Variants in GALNT7 observed in about 807,000 individuals in gnomAD.
GALNT7 encodes the protein N-acetylgalactosaminyltransferase 7.
In GALNT7, 60 loss-of-function variants were observed where a neutral mutation model predicts 82.1. The observed-to-expected ratio is 0.73, with a 90% confidence interval of 0.59 to 0.91. GALNT7 has a LOEUF of 0.91. Among genes scored for constraint, GALNT7 ranks in the 40% least tolerant of loss-of-function variants. The pLI, the probability that GALNT7 is intolerant of heterozygous loss-of-function variation, is 0.00. For missense variants in GALNT7, 660 were observed against 804.2 expected (o/e 0.82, Z 2.17); for synonymous variants, 243 against 275.1 (o/e 0.88, Z 1.15).
At chr4:173,258,688 G>A (rs1735133313) in intron 2 of GALNT7, among the ~76,000 whole-genome samples, 2 of 152,172 alleles carry the variant, frequency 1.3e-5, no homozygotes, top group Non-Finnish European at 2.9e-5. Flanking sequence ...GATGATGAAA[G>A]TGAGGCTCAG....
rs369842354 is a variant in GALNT7, at chr4:173,298,128, G to A, written c.979G>A (p.Val327Met). 5.6e-6 allele frequency: 9 copies of A among 1,613,610 alleles called. No homozygotes were observed. The East Asian group carries it at 6.7e-5, about 12-fold the overall frequency. Residue 327 changes from valine (V) to methionine (M), a missense_variant, in exon 6 of 12, where the codon GTG (valine) becomes ATG (methionine). By Grantham distance (21) the Val-to-Met change is conservative. Around this residue, in one of 2 missense-constraint regions of GALNT7, gnomAD observed 527 missense variants for 683.5 expected, o/e 0.77. Coordinates refer to ENST00000265000, the MANE Select transcript of GALNT7 (RefSeq NM_017423.3). Reference sequence around the variant, plus strand: ...AACACAATACAGAACCATTTGCACTGTGCCGCTTATAGATGTCATAAATGG... The same window carrying A: ...AACACAATACAGAACCATTTGCACTATGCCGCTTATAGATGTCATAAATGG... ...PISKDRTICT[V>M]PLIDVINGNT...
At chr4:173,264,812 A>G (rs777625019) in intron 2 of GALNT7, among the ~76,000 whole-genome samples, 11 of 152,238 alleles carry the variant, frequency 7.2e-5, no homozygotes, top group Non-Finnish European at 2.9e-5. Context: ...TGCAGCTGTT[A>G]TCACTCGAGC....
chr4:173,306,756 T>C (rs897866635), intron 8 of GALNT7, among the ~76,000 whole-genome samples: 2 of 152,226 alleles, frequency 1.3e-5, no homozygotes, highest in Non-Finnish European at 2.9e-5. Flanking sequence ...TGATTGAAGG[T>C]AACTGAGCTT....
In GALNT7 at chr4:173,267,443, A is replaced by G. The variant is rs139751526; in HGVS notation, c.587+19003A>G. 9.1e-3 allele frequency among the ~76,000 whole-genome samples: 1,389 copies of G among 152,320 alleles called. 17 individuals are homozygous for G. The highest frequency in any genetic ancestry group is 0.061 in the Middle Eastern group (18 of 294). ...TGTACTTGAGGGTTTGTGGACACCC[A>G]TAGGCAGATTACCAGCCAGTGGCTT... On this transcript the variant is annotated intron_variant, in intron 2 of 11. Transcript: ENST00000265000.
At chr4:173,222,132 T>C (rs148576170) in intron 1 of GALNT7, among the ~76,000 whole-genome samples, 1 of 152,320 alleles carries the variant, frequency 6.6e-6, no homozygotes, top group East Asian at 1.9e-4. Flanking sequence ...TATCAGCGCG[T>C]GCTTGGCAGA....
intron 1 of GALNT7, among the ~76,000 whole-genome samples, chr4:173,222,930 C>T (rs1733690081): frequency 6.6e-6 from 1 of 152,042 alleles, no homozygotes; most frequent in Admixed American, 6.5e-5. Context: ...TAAGGTTAGA[C>T]TGCTAAGGTT....
rs375736137 is a variant in GALNT7 at position 173,298,170 on chromosome 4, A to G, written c.1021A>G (p.Ile341Val). The change falls in exon 6 of 12, where the codon ATA (isoleucine) becomes GTA (valine). Residue 341 changes from isoleucine (I) to valine (V), a missense_variant. By Grantham distance (29) the Ile-to-Val change is conservative. This residue lies in a region of GALNT7 where 527 missense variants were observed against 683.5 expected (regional missense o/e 0.77). Coordinates refer to ENST00000265000, the MANE Select transcript of GALNT7 (RefSeq NM_017423.3). ...DVINGNTYEIIPQGGGDEDGY... is the reference protein window; with the variant it reads ...DVINGNTYEIVPQGGGDEDGY... ...CATAAATGGCAACACATATGAAATT[A>G]TACCCCAAGGGGGTGGTGATGAAGA... 3 of 1,613,996 alleles carry G rather than the reference A, an allele frequency of 1.9e-6. No homozygotes were observed. Among genetic ancestry groups the G allele is most frequent in the Non-Finnish European group, 1.7e-6 (2 of 1,179,856 alleles).
At chr4:173,273,886 G>A (rs1735812656) in intron 2 of GALNT7, among the ~76,000 whole-genome samples, 1 of 152,192 alleles carries the variant, frequency 6.6e-6, no homozygotes, top group Non-Finnish European at 1.5e-5. Flanking sequence ...CAAAAATGCA[G>A]ACCTTTATTT....
chr4:173,219,040 C>A (rs1427225922), intron 1 of GALNT7, among the ~76,000 whole-genome samples: 1 of 151,546 alleles, frequency 6.6e-6, no homozygotes, highest in Non-Finnish European at 1.5e-5. Context: ...TGAATAAGTT[C>A]TTTAGTGGTG....
Position 173,292,388 on chromosome 4 carries a change from ATC to A in GALNT7, c.754+116_754+117del, listed in dbSNP as rs1359883639. On this transcript the variant is annotated intron_variant, in intron 3 of 11. Coordinates refer to ENST00000265000, the MANE Select transcript of GALNT7 (RefSeq NM_017423.3). This position sits in a 1 kb window ranked among gnomAD's most constrained non-coding sequence, Gnocchi z 4.8. ...AAAATTAATAGCATCTATTGATAGCATCTGTTATCAACAAGTTGACACTGTGC... is the reference window on the plus strand; with the variant it reads ...AAAATTAATAGCATCTATTGATAGCATGTTATCAACAAGTTGACACTGTGC... 6.3e-6 allele frequency: 4 copies of A among 633,588 alleles called. No individual in the cohort carries two copies. Among genetic ancestry groups the A allele is most frequent in the African/African-American group, 3.7e-5 (2 of 53,834 alleles). 39.2% of individuals were successfully genotyped at this position (633,588 alleles called of 1,614,324 possible).
intron 1 of GALNT7, among the ~76,000 whole-genome samples, chr4:173,228,330 T>C (rs1036899813): frequency 5.2e-5 from 6 of 115,650 alleles, no homozygotes; most frequent in African/African-American, 1.3e-4. Context: ...TTTTGCATAT[T>C]TGAGGTGATG....
chr4:173,203,127 G>T (rs974261288), intron 1 of GALNT7, among the ~76,000 whole-genome samples: 1 of 150,716 alleles, frequency 6.6e-6, no homozygotes, highest in South Asian at 2.1e-4. Context: ...ACGGAGTCTC[G>T]CTCTGTCACC....
intron 2 of GALNT7, among the ~76,000 whole-genome samples, chr4:173,286,030 C>A (rs1251460644): frequency 2.6e-5 from 4 of 152,046 alleles, no homozygotes; most frequent in African/African-American, 4.8e-5. Context: ...ACAACAACAA[C>A]AAAAAACCTT....
intron 2 of GALNT7, among the ~76,000 whole-genome samples, chr4:173,253,509 T>C (rs1413378723): frequency 6.6e-6 from 1 of 151,892 alleles, no homozygotes; most frequent in East Asian, 1.9e-4. Flanking sequence ...GATTAGGGGG[T>C]GGAGGCCTGT....
chr4:173,194,641 AG>A (rs1407320071), intron 1 of GALNT7, among the ~76,000 whole-genome samples: 9 of 152,144 alleles, frequency 5.9e-5, no homozygotes, highest in Admixed American at 5.9e-4. Flanking sequence ...TTTATTTATT[AG>A]TTTTTTTTAT....
intron 1 of GALNT7, among the ~76,000 whole-genome samples, chr4:173,185,175 T>C (rs925225982): frequency 6.6e-6 from 1 of 152,226 alleles, no homozygotes; most frequent in African/African-American, 2.4e-5. Flanking sequence ...GCAAAATGCA[T>C]GAGAAATTTG....
chr4:173,186,147 T>A (rs1041455186), intron 1 of GALNT7, among the ~76,000 whole-genome samples: 11 of 151,920 alleles, frequency 7.2e-5, no homozygotes, highest in East Asian at 1.9e-4. Flanking sequence ...GGGTCTATTT[T>A]AAAAAAAAAT....
chr4:173,182,654 C>T (rs999316356), intron 1 of GALNT7, among the ~76,000 whole-genome samples: 7 of 147,788 alleles, frequency 4.7e-5, no homozygotes, highest in Non-Finnish European at 8.8e-5. Flanking sequence ...AAGCAGGTTA[C>T]TCATAATACA....
chr4:173,279,708 C>T (rs1043187378), intron 2 of GALNT7, among the ~76,000 whole-genome samples: 3 of 152,130 alleles, frequency 2.0e-5, no homozygotes, highest in East Asian at 1.9e-4. Context: ...CATGGTGGCT[C>T]ACGACTGTAA....
Sources: allele counts gnomAD v4.1 joint callset (sites outside exome capture counted in the v4.1 genomes callset), GRCh38; gene constraint gnomAD v4.1.1; regional missense constraint gnomAD v4.1.1; non-coding constraint Gnocchi (gnomAD v3.1); transcripts MANE v1.5; gene names NCBI Gene and HGNC (gene_info 2026-07-23, HGNC 2026-07-21).